CRYL1: variants seen among roughly 807,000 people sequenced by gnomAD.
CRYL1 encodes lambda-crystallin homolog.
CRYL1 carries 29 observed loss-of-function variants against 36.6 expected under a neutral mutation model. The ratio of observed to expected loss-of-function variants is 0.79; its 90% CI spans 0.59 to 1.08. The LOEUF is 1.08. CRYL1 is among the 50% of genes least tolerant of loss of function. The probability of loss-of-function intolerance (pLI) is 0.00; values close to 1 mark genes in which losing one functional copy is unlikely to be tolerated. For missense variants in CRYL1, 411 were observed against 407.9 expected, an observed-to-expected ratio of 1.01 and a Z score of -0.06; for synonymous variants, 152 against 151.5, an observed-to-expected ratio of 1.00 and a Z score of -0.02.
chr13:20,478,233 A>AT (rs2033204910), intron 3 of CRYL1, among the ~76,000 whole-genome samples: 2 of 152,102 alleles, frequency 1.3e-5, no homozygotes, highest in African/African-American at 4.8e-5. Context: ...ATCAAAAAGT[A>AT]TTTTCTTAGC....
At chr13:20,444,261 C>A (rs2032408484) in intron 3 of CRYL1, among the ~76,000 whole-genome samples, 1 of 152,078 alleles carries the variant, frequency 6.6e-6, no homozygotes. Flanking sequence ...CCTTAAAAAT[C>A]AAAATAAAGG....
intron 3 of CRYL1, among the ~76,000 whole-genome samples, chr13:20,443,352 ATTG>A (rs1383609704): frequency 1.3e-5 from 2 of 152,082 alleles, no homozygotes; most frequent in Non-Finnish European, 2.9e-5. Flanking sequence ...CAAGTTTGTT[ATTG>A]TTGTTTTTAA....
intron 1 of CRYL1, among the ~76,000 whole-genome samples, chr13:20,520,500 A>C (rs2034073776): frequency 3.3e-5 from 5 of 152,160 alleles, no homozygotes; most frequent in Admixed American, 3.3e-4. Flanking sequence ...AATCGCAATT[A>C]TCTGACCTGA....
intron 1 of CRYL1, among the ~76,000 whole-genome samples, chr13:20,517,150 GA>G (rs1410974181): frequency 1.3e-5 from 2 of 152,114 alleles, no homozygotes; most frequent in African/African-American, 4.8e-5. Flanking sequence ...ACAAAACTCT[GA>G]AAAAAATTCT....
At chr13:20,520,557 T>C (rs1436006737) in intron 1 of CRYL1, among the ~76,000 whole-genome samples, 1 of 152,158 alleles carries the variant, frequency 6.6e-6, no homozygotes, top group Non-Finnish European at 1.5e-5. Context: ...TATCAGGTGA[T>C]TGGACTGGGC....
At chr13:20,441,907 G>A (rs886117354) in intron 3 of CRYL1, among the ~76,000 whole-genome samples, 4 of 151,898 alleles carry the variant, frequency 2.6e-5, no homozygotes, top group African/African-American at 4.8e-5. Flanking sequence ...ACAAAAGTTC[G>A]CATGAGCACC....
chr13:20,493,027 A>G (rs965038270), intron 2 of CRYL1, among the ~76,000 whole-genome samples: 23 of 152,168 alleles, frequency 1.5e-4, no homozygotes, highest in Non-Finnish European at 2.4e-4. Context: ...TTTTTCGCCA[A>G]TGATGTAGCT....
chr13:20,492,480 G>A lies in CRYL1; in HGVS notation c.150-2984C>T, dbSNP rs139509333. ...GTCAGCAGGGAACGCACTCTTTCTG[G>A]AGGTTTCAGGGAGAATGCATTCCTG... On this transcript the variant is annotated intron_variant, in intron 2 of 7. Coordinates refer to ENST00000298248, the MANE Select transcript of CRYL1 (RefSeq NM_015974.3). 3.0e-3 allele frequency among the ~76,000 whole-genome samples: 450 copies of A among 152,240 alleles called. 13 individuals carry two copies. In the South Asian group the frequency reaches 0.068, roughly 23 times the overall value.
chr13:20,420,774 C>T (rs929233241), intron 5 of CRYL1, among the ~76,000 whole-genome samples: 26 of 137,420 alleles, frequency 1.9e-4, no homozygotes, highest in Admixed American at 1.5e-3. Flanking sequence ...CTCACTCTGT[C>T]GCCCAGGCTG....
At chr13:20,477,287 A>C (rs950370172) in intron 3 of CRYL1, among the ~76,000 whole-genome samples, 5 of 152,170 alleles carry the variant, frequency 3.3e-5, no homozygotes, top group Non-Finnish European at 4.4e-5. Flanking sequence ...ATGATCACAC[A>C]GCTACATTCC....
At chr13:20,524,851 C>G (rs1036459257) in intron 1 of CRYL1, among the ~76,000 whole-genome samples, 1 of 151,938 alleles carries the variant, frequency 6.6e-6, no homozygotes, top group East Asian at 1.9e-4. Flanking sequence ...GTCTCCACAC[C>G]GGGTTGTACA....
intron 3 of CRYL1, among the ~76,000 whole-genome samples, chr13:20,442,805 G>A (rs2032376599): frequency 6.6e-6 from 1 of 152,186 alleles, no homozygotes; most frequent in African/African-American, 2.4e-5. Context: ...TTGAGGCAGG[G>A]GAGGGAGACA....
At chr13:20,517,407 CA>C (rs1375674011) in intron 1 of CRYL1, among the ~76,000 whole-genome samples, 1 of 151,506 alleles carries the variant, frequency 6.6e-6, no homozygotes, top group African/African-American at 2.4e-5. Flanking sequence ...CCAGCCTGGC[CA>C]AAACGGTGAA....
chr13:20,505,842 T>C (rs1038027952), intron 2 of CRYL1, among the ~76,000 whole-genome samples: 1 of 152,228 alleles, frequency 6.6e-6, no homozygotes, highest in Non-Finnish European at 1.5e-5. Flanking sequence ...TTGCCTGATA[T>C]GTGGTCAGGG....
intron 3 of CRYL1, among the ~76,000 whole-genome samples, chr13:20,488,202 C>T (rs578077996): frequency 6.6e-6 from 1 of 152,308 alleles, no homozygotes; most frequent in African/African-American, 2.4e-5. Context: ...CTGCCAAGAC[C>T]AGGCCTGGAG....
Position 20,525,715 on chromosome 13 carries a change from C to G in CRYL1, c.41+39G>C. 1 of 1,337,058 alleles carries G rather than the reference C, an allele frequency of 7.5e-7. No individual in the cohort carries two copies. The highest frequency in any genetic ancestry group is 1.9e-5 in the South Asian group (1 of 53,042). The allele number at this position is 1,337,058 out of a possible 1,614,324, so 82.8% of individuals were successfully genotyped here. A position where few individuals can be genotyped will look rare whatever the true frequency, so the allele number is the denominator to read the frequency against. On this transcript the variant is annotated intron_variant, in intron 1 of 7. Transcript: ENST00000298248. This position sits in a 1 kb window ranked among gnomAD's most constrained non-coding sequence, Gnocchi z 4.3. ...GGGCACCACGTCCCCGGCGTCTCCC[C>G]GGGCTCCAGGGGCAGCAGCGCGGCT...
Position 20,489,369 on chromosome 13 carries a change from C to T in CRYL1, c.276+1G>A, listed in dbSNP as rs1384326306. The T allele has an allele frequency of 5.0e-6, 8 of 1,613,096 alleles. No individual in the cohort carries two copies. Among genetic ancestry groups the T allele is most frequent in the Non-Finnish European group, 6.8e-6 (8 of 1,180,012 alleles). On this transcript the variant is annotated splice_donor_variant, in intron 3 of 7. Coordinates refer to ENST00000298248, the MANE Select transcript of CRYL1 (RefSeq NM_015974.3). LOFTEE classifies it high-confidence loss of function. Reference sequence around the variant, plus strand: ...ATGCGGCGCCAGTGTCCTTCACTCACCTGAATGTGCATGGCACCCTCTACT... The same window carrying T: ...ATGCGGCGCCAGTGTCCTTCACTCATCTGAATGTGCATGGCACCCTCTACT...
chr13:20,499,401 C>T (rs2033665665), intron 2 of CRYL1, among the ~76,000 whole-genome samples: 1 of 150,286 alleles, frequency 6.7e-6, no homozygotes, highest in East Asian at 2.0e-4. Flanking sequence ...TTAATCCCAG[C>T]ACTTTGGGAG....
intron 2 of CRYL1, among the ~76,000 whole-genome samples, chr13:20,510,501 T>A (rs553257104): frequency 6.6e-6 from 1 of 151,828 alleles, no homozygotes; most frequent in South Asian, 2.1e-4. Flanking sequence ...AAGGGAGGGA[T>A]GGAAAGGAAG....
Sources: gnomAD v4.1 joint callset for allele counts (sites outside exome capture counted in the v4.1 genomes callset) on GRCh38, gnomAD v4.1.1 for gene constraint, Gnocchi (gnomAD v3.1) non-coding constraint, MANE v1.5 for transcripts, NCBI Gene and HGNC (gene_info 2026-07-23, HGNC 2026-07-21) for gene names.